CCSER2: variants seen among roughly 807,000 people sequenced by gnomAD.
The protein encoded by CCSER2 is coiled-coil serine rich protein 2, also known as serine-rich coiled-coil domain-containing protein 2.
Under a neutral mutation model 92.3 loss-of-function variants are expected in CCSER2, and 46 were observed. That is an observed-to-expected ratio of 0.50 (90% CI 0.39 to 0.64). The LOEUF (loss-of-function observed/expected upper bound fraction) is 0.64. Ranked by LOEUF, CCSER2 falls within the 30% of genes least tolerant of loss-of-function variation. CCSER2 has a pLI of 0.00. For missense variants in CCSER2, 1,244 were observed against 1,238.9 expected (o/e 1.00, Z -0.06); for synonymous variants, 433 against 431.4 (o/e 1.00, Z -0.04).
intron 1 of CCSER2, among the ~76,000 whole-genome samples, chr10:84,347,128 C>T (rs1161831556): frequency 4.6e-5 from 7 of 152,218 alleles, no homozygotes; most frequent in Admixed American, 1.3e-4. Flanking sequence ...CATCCCAAGG[C>T]AGAATAATTT....
chr10:84,354,222 A>G (rs1163859981), intron 1 of CCSER2, among the ~76,000 whole-genome samples: 1 of 151,126 alleles, frequency 6.6e-6, no homozygotes, highest in African/African-American at 2.4e-5. Flanking sequence ...ACAAAAAAAC[A>G]AGATTACGTC....
At chr10:84,510,865 T>G (rs533402976) in intron 9 of CCSER2, among the ~76,000 whole-genome samples, 1 of 152,298 alleles carries the variant, frequency 6.6e-6, no homozygotes, top group Admixed American at 6.5e-5. Context: ...AGCAAGTTGT[T>G]TCCTTGTTCC....
intron 3 of CCSER2, among the ~76,000 whole-genome samples, chr10:84,408,676 ACAGTGGTGACAGT>A (rs1306266596): frequency 6.6e-6 from 1 of 152,208 alleles, no homozygotes; most frequent in Non-Finnish European, 1.5e-5. Context: ...CATCTTTTTA[ACAGTGGTGACAGT>A]TCTCCTTTCA....
chr10:84,506,662 C>T (rs892308462), intron 9 of CCSER2, among the ~76,000 whole-genome samples: 2 of 152,026 alleles, frequency 1.3e-5, no homozygotes, highest in Admixed American at 6.6e-5. Flanking sequence ...GGCATGGTGG[C>T]AGGCGCCTGT....
At chr10:84,499,751 ATC>A (rs1414735630) in intron 9 of CCSER2, 3 of 789,370 alleles carry the variant, frequency 3.8e-6, no homozygotes, top group East Asian at 5.4e-5. Flanking sequence ...AAAAAATGAA[ATC>A]TGTCTTCTCG....
chr10:84,446,681 C>T (rs182620253), intron 6 of CCSER2, among the ~76,000 whole-genome samples: 1 of 152,256 alleles, frequency 6.6e-6, no homozygotes, highest in East Asian at 1.9e-4. Flanking sequence ...TGTACTCTTA[C>T]CCACCCAGAT....
chr10:84,456,352 G>A (rs1845619988), intron 6 of CCSER2, among the ~76,000 whole-genome samples: 1 of 152,024 alleles, frequency 6.6e-6, no homozygotes, highest in African/African-American at 2.4e-5. Context: ...CTTTGAGTCT[G>A]GCTTTTTTTA....
intron 1 of CCSER2, among the ~76,000 whole-genome samples, chr10:84,345,921 A>G (rs535018233): frequency 2.2e-4 from 33 of 152,300 alleles, no homozygotes; most frequent in Admixed American, 3.9e-4. Flanking sequence ...CTCCTTTGCT[A>G]TTGAATTAGA....
In CCSER2 at chr10:84,457,134, A is replaced by G. The variant is rs1466823929; in HGVS notation, c.2065-6799A>G. Among the ~76,000 whole-genome samples the G allele has an allele frequency of 2.8e-5, 4 of 142,838 alleles. No homozygotes were observed. In the Admixed American group the frequency reaches 3.1e-4, roughly 11 times the overall value. The allele number at this position is 142,838 out of a possible 152,430, so 93.7% of individuals were successfully genotyped here. ...AGCTGACACTTTAAAAAGGCTTTCT[A>G]TGAGTTACGCATTATGCTCGGTATT... On this transcript the variant is annotated intron_variant, in intron 6 of 9. Coordinates refer to ENST00000372088, the MANE Select transcript of CCSER2 (RefSeq NM_001284240.2).
chr10:84,486,494 GTGA>G (rs1847818052), intron 9 of CCSER2, among the ~76,000 whole-genome samples: 1 of 152,230 alleles, frequency 6.6e-6, no homozygotes, highest in African/African-American at 2.4e-5. Flanking sequence ...GTGATGGCCA[GTGA>G]TGATGAGCTT....
At position 84,463,810 on chromosome 10, in the gene CCSER2, TTCTTCACCATGCTAGCATTTGG is replaced by T. The variant is rs1224529785; in HGVS notation, c.2065-97_2065-76del. 338 of 618,052 alleles carry T rather than the reference TTCTTCACCATGCTAGCATTTGG, an allele frequency of 5.5e-4. 1 individual carries two copies. Among genetic ancestry groups the T allele is most frequent in the East Asian group, 1.0e-3 (36 of 35,624 alleles). The allele number at this position is 618,052 out of a possible 1,614,324, so 38.3% of individuals were successfully genotyped here. On this transcript the variant is annotated intron_variant, in intron 6 of 9. Transcript: ENST00000372088. Reference sequence around the variant, plus strand: ...TTTCTAAAATTTTGTCTCCCATTTGTTCTTCACCATGCTAGCATTTGGTCTTCACCATGCTAGCATTTGGTCT... The same window carrying T: ...TTTCTAAAATTTTGTCTCCCATTTGTTCTTCACCATGCTAGCATTTGGTCT...
intron 9 of CCSER2, among the ~76,000 whole-genome samples, chr10:84,494,532 C>G (rs1848341343): frequency 6.6e-6 from 1 of 152,258 alleles, no homozygotes; most frequent in Middle Eastern, 3.4e-3. Flanking sequence ...AGCCCCTGTT[C>G]AAGATGGAAT....
chr10:84,352,274 A>G lies in CCSER2; in HGVS notation c.-39-18740A>G, dbSNP rs1844905568. Among the ~76,000 whole-genome samples the G allele has an allele frequency of 2.0e-5, 3 of 152,174 alleles. No individual in the cohort carries two copies. The South Asian group carries it at 6.2e-4, about 32-fold the overall frequency. On this transcript the variant is annotated intron_variant, in intron 1 of 9. Transcript: ENST00000372088. The stretch of plus-strand genomic sequence containing the variant: ...AGCCAAGATTGCGTCACTGCACTCC[A>G]GCCTGGCGACAGAGGAAGACTCTGT...
At chr10:84,412,679 C>G (rs1052857299) in intron 3 of CCSER2, among the ~76,000 whole-genome samples, 1 of 152,102 alleles carries the variant, frequency 6.6e-6, no homozygotes, top group Non-Finnish European at 1.5e-5. Context: ...TTCTGGGAGC[C>G]CATGCTATTT....
chr10:84,407,594 T>A (rs1431159959), intron 3 of CCSER2, among the ~76,000 whole-genome samples: 1 of 152,238 alleles, frequency 6.6e-6, no homozygotes, highest in Non-Finnish European at 1.5e-5. Flanking sequence ...GCCACTGACA[T>A]ATGCCACATG....
rs539953681 is a variant in CCSER2 at position 84,409,282 on chromosome 10, C to T, written c.1615-8489C>T. On this transcript the variant is annotated intron_variant, in intron 3 of 9. Transcript: ENST00000372088. ...CTGGGATTATAGGCATGAGCCACCG[C>T]GCCTGGCCTATTTATTTATTTAAAA... 2.7e-3 allele frequency among the ~76,000 whole-genome samples: 410 copies of T among 151,532 alleles called. 1 individual carries two copies. Among genetic ancestry groups the T allele is most frequent in the African/African-American group, 9.3e-3 (387 of 41,394 alleles).
At chr10:84,339,228 T>C (rs1463287922) in intron 1 of CCSER2, among the ~76,000 whole-genome samples, 1 of 151,752 alleles carries the variant, frequency 6.6e-6, no homozygotes, top group Non-Finnish European at 1.5e-5. Context: ...GGTCTTGAAC[T>C]CCTAGTGTCA....
At chr10:84,380,880 A>G (rs568015713) in intron 3 of CCSER2, among the ~76,000 whole-genome samples, 1 of 152,122 alleles carries the variant, frequency 6.6e-6, no homozygotes, top group Non-Finnish European at 1.5e-5. Flanking sequence ...TATTTTTAGT[A>G]GAGATGGGGT....
Position 84,371,894 on chromosome 10 carries a change from A to T in CCSER2, c.842A>T (p.Asn281Ile). The change falls in exon 2 of 10, where the codon AAT becomes ATT. Residue 281 changes from asparagine to isoleucine, a missense_variant. Physicochemically the swap from Asn to Ile is moderately radical, Grantham distance 149 (BLOSUM62 -3). Coordinates refer to ENST00000372088, the MANE Select transcript of CCSER2 (RefSeq NM_001284240.2). ...TRNSRQPEVL[N>I]GNEHLGYGFN... ...AATTCCCGGCAGCCAGAAGTACTCA[A>T]TGGGAATGAACATTTGGGGTATGGA... 1.2e-6 allele frequency: 2 copies of T among 1,613,890 alleles called. No individual in the cohort carries two copies. The highest frequency in any genetic ancestry group is 1.7e-6 in the Non-Finnish European group (2 of 1,179,818).
Sources: gnomAD v4.1 joint callset for allele counts (sites outside exome capture counted in the v4.1 genomes callset) on GRCh38, gnomAD v4.1.1 for gene constraint, MANE v1.5 for transcripts, NCBI Gene and HGNC (gene_info 2026-07-23, HGNC 2026-07-21) for gene names.